The following SGK1 variants were observed in gnomAD, a reference collection of about 807,000 sequenced individuals.
SGK1 encodes serine/threonine-protein kinase Sgk1.
Under a neutral mutation model 64.2 loss-of-function variants are expected in SGK1, and 26 were observed. That is an observed-to-expected ratio of 0.40 (90% CI 0.30 to 0.56). The LOEUF is 0.56. SGK1 is among the 20% of genes least tolerant of loss of function. The pLI is 0.38. For synonymous variants in SGK1, 265 were observed against 239.7 expected (o/e 1.11, Z -0.98); for missense variants, 519 against 645.6 (o/e 0.80, Z 2.12).
chr6:134,243,728 C>A (rs9493871), intron 2 of SGK1, among the ~76,000 whole-genome samples: 15,391 of 152,188 alleles, frequency 0.1, 938 homozygotes, highest in African/African-American at 0.17. Context: ...AATTTTCCAA[C>A]CTGCATGATT....
At chr6:134,276,026 G>A (rs1211181415) in intron 1 of SGK1, among the ~76,000 whole-genome samples, 1 of 152,194 alleles carries the variant, frequency 6.6e-6, no homozygotes, top group African/African-American at 2.4e-5. Flanking sequence ...ATATTCAGTA[G>A]TGGGACATTT....
At chr6:134,249,011 T>C (rs1245660834) in intron 2 of SGK1, among the ~76,000 whole-genome samples, 1 of 152,176 alleles carries the variant, frequency 6.6e-6, no homozygotes, top group Non-Finnish European at 1.5e-5. Context: ...TTTTTAATCA[T>C]TTTTCTCATG....
chr6:134,170,128 T>C lies in SGK1; in HGVS notation c.*140A>G, dbSNP rs1404799126. The stretch of plus-strand genomic sequence containing the variant: ...TCTTCAAAAAGCTTCCAGCGAACAG[T>C]GTGCAATAAGATTGCTAAGCTTCCA... On this transcript the variant is annotated 3_prime_UTR_variant, in exon 14 of 14. Transcript: ENST00000367858. The C allele has an allele frequency of 1.6e-6, 1 of 638,456 alleles. No homozygotes were observed. Among genetic ancestry groups the C allele is most frequent in the Middle Eastern group, 4.3e-4 (1 of 2,302 alleles). The allele number at this position is 638,456 out of a possible 1,614,324, so 39.5% of individuals were successfully genotyped here.
chr6:134,170,973 G>A (rs781575804), intron 12 of SGK1, 50 bp downstream of exon 12: 1 of 1,610,174 alleles, frequency 6.2e-7, no homozygotes, highest in Admixed American at 1.7e-5. Context: ...GGGCAGGGAG[G>A]TCTAGTGCAC....
chr6:134,265,664 TA>T (rs1456984755), intron 1 of SGK1, among the ~76,000 whole-genome samples: 2 of 147,208 alleles, frequency 1.4e-5, no homozygotes, highest in African/African-American at 4.9e-5. Context: ...ACTATAGACA[TA>T]AAGTAGGAGA....
At position 134,171,702 on chromosome 6, in the gene SGK1, G is replaced by T; in HGVS notation, c.1102C>A (p.Pro368Thr). ...YLAPEVLHKQ[P>T]YDRTVDWWCL... ...CACCAGTCCACAGTCCTGTCATAAG[G>T]CTGCTTATGAAGCACCTCAGGTGCG... The change falls in exon 11 of 14, where the codon CCT (proline) becomes ACT (threonine). Residue 368 changes from proline (P) to threonine (T), a missense_variant. Physicochemically the swap from Pro to Thr is conservative, Grantham distance 38. This residue lies in a region of SGK1 where 278 missense variants were observed against 408.7 expected (regional missense o/e 0.68). Transcript: ENST00000367858. The T allele has an allele frequency of 6.2e-7, 1 of 1,613,286 alleles. No homozygotes were observed. Among genetic ancestry groups the T allele is most frequent in the Non-Finnish European group, 8.5e-7 (1 of 1,179,266 alleles).
intron 2 of SGK1, among the ~76,000 whole-genome samples, chr6:134,212,482 C>G (rs982533400): frequency 5.9e-5 from 9 of 152,110 alleles, no homozygotes; most frequent in Non-Finnish European, 7.3e-5. Context: ...GTTAACCAGC[C>G]CTCTTCCCTT....
chr6:134,207,069 CA>C (rs368173968), intron 3 of SGK1, among the ~76,000 whole-genome samples: 4,300 of 151,214 alleles, frequency 0.028, 76 homozygotes, highest in Middle Eastern at 0.062. Flanking sequence ...ACTAAAAATA[CA>C]AAAAAATTAG....
At chr6:134,234,197 T>C (rs1388893698) in intron 2 of SGK1, among the ~76,000 whole-genome samples, 1 of 152,078 alleles carries the variant, frequency 6.6e-6, no homozygotes, top group Non-Finnish European at 1.5e-5. Context: ...TGATCAGAAG[T>C]TCAAGATTAG....
chr6:134,238,679 G>A (rs564924894), intron 2 of SGK1, among the ~76,000 whole-genome samples: 18 of 152,106 alleles, frequency 1.2e-4, no homozygotes, highest in African/African-American at 4.3e-4. Context: ...GTACAACTGG[G>A]AAATAAGGCA....
chr6:134,231,945 A>G (rs1776283887), intron 2 of SGK1, among the ~76,000 whole-genome samples: 1 of 151,484 alleles, frequency 6.6e-6, no homozygotes, highest in African/African-American at 2.4e-5. Context: ...AGGTTGAGGC[A>G]GGAGAATTGC....
intron 3 of SGK1, among the ~76,000 whole-genome samples, chr6:134,178,726 T>C (rs968789193): frequency 1.3e-5 from 2 of 152,210 alleles, no homozygotes; most frequent in Admixed American, 1.3e-4. Context: ...TCTCCTGAGG[T>C]TCTATTGGTC....
intron 2 of SGK1, among the ~76,000 whole-genome samples, chr6:134,252,037 G>A (rs116270373): frequency 1.0e-3 from 159 of 152,302 alleles, no homozygotes; most frequent in African/African-American, 3.4e-3. Context: ...GATAACAGGC[G>A]TGAGCCACCA....
intron 2 of SGK1, among the ~76,000 whole-genome samples, chr6:134,209,466 T>G (rs1775850524): frequency 6.6e-6 from 1 of 152,030 alleles, no homozygotes; most frequent in Non-Finnish European, 1.5e-5. Flanking sequence ...TCAAATATAT[T>G]CTCATGAAGT....
chr6:134,175,802 C>G (rs989859938), intron 3 of SGK1: 2 of 1,287,392 alleles, frequency 1.6e-6, no homozygotes, highest in Non-Finnish European at 2.0e-6. Flanking sequence ...TGTGCACGGT[C>G]GGGTCGCTTC....
At chr6:134,239,124 C>A (rs1776406898) in intron 2 of SGK1, among the ~76,000 whole-genome samples, 1 of 152,176 alleles carries the variant, frequency 6.6e-6, no homozygotes, top group African/African-American at 2.4e-5. Context: ...CAGTAGCAAG[C>A]ACATCTGGAA....
chr6:134,174,466 A>T (rs1455220277), intron 4 of SGK1, 45 bp downstream of exon 4: 1 of 1,451,450 alleles, frequency 6.9e-7, no homozygotes, highest in South Asian at 1.2e-5. Context: ...ACCGCTGGCA[A>T]ATTCAAACTA....
At chr6:134,281,546 C>A (rs976681475) in intron 1 of SGK1, among the ~76,000 whole-genome samples, 5 of 146,274 alleles carry the variant, frequency 3.4e-5, no homozygotes, top group African/African-American at 1.3e-4. Context: ...GAGACAGATT[C>A]TCAGTCGGTC....
intron 9 of SGK1, 57 bp from the exon 10 acceptor site, chr6:134,172,373 TC>T (rs1775058156): frequency 6.5e-7 from 1 of 1,535,220 alleles, no homozygotes. Flanking sequence ...TCATAAGATA[TC>T]CTCTTAAAGA....
Sources: gnomAD v4.1 joint callset for allele counts (sites outside exome capture counted in the v4.1 genomes callset) on GRCh38, gnomAD v4.1.1 for gene constraint, gnomAD v4.1.1 regional missense constraint, MANE v1.5 for transcripts, NCBI Gene and HGNC (gene_info 2026-07-23, HGNC 2026-07-21) for gene names.